Variants in MAP3K13 observed in about 807,000 individuals in gnomAD.
MAP3K13 encodes the protein leucine zipper-bearing kinase.
A neutral mutation model predicts 104.0 loss-of-function variants in MAP3K13; 52 were observed. The ratio of observed to expected loss-of-function variants is 0.50; its 90% CI spans 0.40 to 0.63. The LOEUF (loss-of-function observed/expected upper bound fraction) is 0.63, where lower values mean the gene tolerates loss of function less well. MAP3K13 is among the 20% of genes least tolerant of loss of function. The pLI is 0.00. For missense variants in MAP3K13, 914 were observed against 1,218.5 expected, an observed-to-expected ratio of 0.75 and a Z score of 3.72; for synonymous variants, 394 against 442.2, an observed-to-expected ratio of 0.89 and a Z score of 1.37.
At chr3:185,412,938 G>A (rs1404546716) in intron 1 of MAP3K13, among the ~76,000 whole-genome samples, 1 of 152,118 alleles carries the variant, frequency 6.6e-6, no homozygotes, top group Non-Finnish European at 1.5e-5. Context: ...ACCTACACTA[G>A]TGCTATGATT....
In MAP3K13 at chr3:185,418,345, T is replaced by G; in HGVS notation, c.-85-10152T>G. 4.4e-6 allele frequency: 7 copies of G among 1,591,296 alleles called. No homozygotes were observed. Among genetic ancestry groups the G allele is most frequent in the Non-Finnish European group, 6.0e-6 (7 of 1,161,030 alleles). ...TACCAAAGGAAGTTCAGGAACTTCC[T>G]CAATACGATGACCTTTAGACATGAC... On this transcript the variant is annotated intron_variant, in intron 1 of 13. Coordinates refer to ENST00000265026, the MANE Select transcript of MAP3K13 (RefSeq NM_004721.5). The surrounding 1 kb of genome is among the most constrained non-coding windows in gnomAD (Gnocchi z 4.5).
chr3:185,399,835 T>TCCCTGCAGCTCCTCCG (rs1169264676), intron 1 of MAP3K13, among the ~76,000 whole-genome samples: 3 of 151,876 alleles, frequency 2.0e-5, no homozygotes, highest in Non-Finnish European at 4.4e-5. Flanking sequence ...CGTTACCTCC[T>TCCCTGCAGCTCCTCCG]CCCTGCAGCT....
chr3:185,352,975 C>A (rs1723194257), intron 2 of MAP3K13, among the ~76,000 whole-genome samples: 1 of 152,222 alleles, frequency 6.6e-6, no homozygotes, highest in South Asian at 2.1e-4. Flanking sequence ...AAAGATATTA[C>A]TATCCTATCT....
In MAP3K13 at chr3:185,473,356, A is replaced by C. The variant is rs1190041998; in HGVS notation, c.2025A>C (p.Pro675=). 8 of 1,614,236 alleles carry C rather than the reference A, an allele frequency of 5.0e-6. No individual in the cohort carries two copies. Among genetic ancestry groups the C allele is most frequent in the Non-Finnish European group, 6.8e-6 (8 of 1,180,040 alleles). The change falls in exon 11 of 14, where the codon CCA becomes CCC. Residue 675 remains proline, a synonymous_variant. Transcript: ENST00000265026. This position sits in a 1 kb window ranked among gnomAD's most constrained non-coding sequence, Gnocchi z 4.9. ...TCANNLRYFG[P]AAALRSPLSN... ...CCAACAACCTGAGGTATTTCGGCCC[A>C]GCAGCAGCCCTGCGGAGCCCACTCA...
intron 2 of MAP3K13, among the ~76,000 whole-genome samples, chr3:185,290,384 A>G (rs1160435493): frequency 6.6e-6 from 1 of 152,212 alleles, no homozygotes; most frequent in Non-Finnish European, 1.5e-5. Flanking sequence ...TGACATTCCC[A>G]CAGGGTGTCA....
At chr3:185,300,317 G>A (rs1471429747) in intron 2 of MAP3K13, among the ~76,000 whole-genome samples, 2 of 149,792 alleles carry the variant, frequency 1.3e-5, no homozygotes, top group Non-Finnish European at 3.0e-5. Context: ...AGCCTCCCGA[G>A]TAGCTGGGAC....
chr3:185,455,478 GATATATATGAGAT>G (rs1716514599), intron 7 of MAP3K13, among the ~76,000 whole-genome samples: 1 of 78,980 alleles, frequency 1.3e-5, no homozygotes, highest in South Asian at 3.9e-4. Context: ...ATATATACAT[GATATATATGAGAT>G]ATATACATGA....
intron 1 of MAP3K13, among the ~76,000 whole-genome samples, chr3:185,406,783 T>G (rs1293558750): frequency 6.6e-6 from 1 of 152,244 alleles, no homozygotes; most frequent in Non-Finnish European, 1.5e-5. Context: ...TTTCATATTT[T>G]AAATTTTGGT....
chr3:185,314,834 T>A (rs1282838117), intron 2 of MAP3K13, among the ~76,000 whole-genome samples: 2 of 151,868 alleles, frequency 1.3e-5, no homozygotes, highest in Non-Finnish European at 2.9e-5. Flanking sequence ...GAGATGGGGG[T>A]CTCATCTTCT....
chr3:185,351,148 G>C (rs949439910), intron 2 of MAP3K13, among the ~76,000 whole-genome samples: 11 of 152,188 alleles, frequency 7.2e-5, no homozygotes, highest in African/African-American at 2.4e-4. Context: ...TTATAAGTGG[G>C]AGCTAAACAT....
At chr3:185,370,535 T>C (rs1336841048) in intron 1 of MAP3K13, among the ~76,000 whole-genome samples, 1 of 152,176 alleles carries the variant, frequency 6.6e-6, no homozygotes, top group Non-Finnish European at 1.5e-5. Flanking sequence ...CTCCATGGCA[T>C]GCTGCGACAG....
chr3:185,340,661 G>A (rs748196801), intron 2 of MAP3K13, among the ~76,000 whole-genome samples: 5 of 152,204 alleles, frequency 3.3e-5, no homozygotes, highest in Admixed American at 1.3e-4. Context: ...TAATCCTCAC[G>A]TGTCAAGGGC....
intron 8 of MAP3K13, among the ~76,000 whole-genome samples, chr3:185,464,483 T>A (rs552699330): frequency 6.6e-6 from 1 of 152,284 alleles, no homozygotes; most frequent in Non-Finnish European, 1.5e-5. Flanking sequence ...TCAGGAGATC[T>A]GATGGTTTTA....
chr3:185,476,405 C>A (rs1046161544), intron 11 of MAP3K13: 4 of 146,730 alleles, frequency 2.7e-5, no homozygotes, highest in African/African-American at 1.0e-4. Context: ...GAGTAAGATT[C>A]ATGATATTTT....
chr3:185,292,329 C>T (rs1577397815), intron 2 of MAP3K13: 1 of 150,876 alleles, frequency 6.6e-6, no homozygotes, highest in Non-Finnish European at 1.5e-5. Flanking sequence ...GTTGAATTAA[C>T]AATAAGGAAA....
At chr3:185,342,067 G>A (rs545904605) in intron 2 of MAP3K13, among the ~76,000 whole-genome samples, 3 of 152,248 alleles carry the variant, frequency 2.0e-5, no homozygotes, top group South Asian at 2.1e-4. Flanking sequence ...AAAGGCCCAC[G>A]TGACAAGTAA....
chr3:185,292,642 T>C (rs1720784576), intron 2 of MAP3K13: 1 of 985,086 alleles, frequency 1.0e-6, no homozygotes, highest in Non-Finnish European at 1.2e-6. Flanking sequence ...GTTACACAGT[T>C]GGAAGTCATT....
chr3:185,456,341 G>A (rs1463352769), intron 7 of MAP3K13, among the ~76,000 whole-genome samples: 1 of 152,064 alleles, frequency 6.6e-6, no homozygotes, highest in African/African-American at 2.4e-5. Context: ...GCTTTCAGAG[G>A]AAATAAGATG....
intron 2 of MAP3K13, among the ~76,000 whole-genome samples, chr3:185,433,932 GA>G (rs1438480518): frequency 6.6e-6 from 1 of 151,566 alleles, no homozygotes; most frequent in Non-Finnish European, 1.5e-5. Flanking sequence ...AATATGAAAA[GA>G]AAGGATTTTT....
Sources: gnomAD v4.1 joint callset for allele counts (sites outside exome capture counted in the v4.1 genomes callset) on GRCh38, gnomAD v4.1.1 for gene constraint, Gnocchi (gnomAD v3.1) non-coding constraint, MANE v1.5 for transcripts, NCBI Gene and HGNC (gene_info 2026-07-23, HGNC 2026-07-21) for gene names.